Variants in KLHL3 observed in about 807,000 individuals in gnomAD.
KLHL3 encodes the protein kelch like family member 3.
A neutral mutation model predicts 70.5 loss-of-function variants in KLHL3; 19 were observed. That is an observed-to-expected ratio of 0.27 (90% CI 0.19 to 0.40). The LOEUF is 0.40. KLHL3 is among the 10% of genes least tolerant of loss of function. The pLI is 1.00. For missense variants in KLHL3, 512 were observed against 771.1 expected, an observed-to-expected ratio of 0.66 and a Z score of 3.98; for synonymous variants, 258 against 290.3, an observed-to-expected ratio of 0.89 and a Z score of 1.13.
At position 137,619,061 on chromosome 5, in the gene KLHL3, GA is replaced by G. The variant is rs997134771; in HGVS notation, c.*3036del. The G allele has an allele frequency of 6.6e-6, 1 of 152,430 alleles. No individual in the cohort carries two copies. Among genetic ancestry groups the G allele is most frequent in the African/African-American group, 2.4e-5 (1 of 41,382 alleles). The allele number at this position is 152,430 out of a possible 1,614,324, so 9.4% of individuals were successfully genotyped here. A position where few individuals can be genotyped will look rare whatever the true frequency, so the allele number is the denominator to read the frequency against. On this transcript the variant is annotated 3_prime_UTR_variant, in exon 15 of 15. Transcript: ENST00000309755. ...ACAATAAAAAGCGATTCAAACTCTT[GA>G]AAAAAATATCTTATAAAAATATCTA... is the stretch of plus-strand genomic sequence containing the variant.
chr5:137,698,436 C>T (rs182859337), intron 3 of KLHL3, 28 bp from the exon 4 acceptor site: 44 of 1,613,374 alleles, frequency 2.7e-5, no homozygotes, highest in East Asian at 1.6e-4. Flanking sequence ...AACAAAATGA[C>T]ATAAATGTGG....
chr5:137,706,051 A>G (rs1182323580), intron 3 of KLHL3: 2 of 985,312 alleles, frequency 2.0e-6, no homozygotes, highest in Non-Finnish European at 1.2e-6. Context: ...CTCAGACTTC[A>G]GTTTCACATT....
intron 4 of KLHL3, among the ~76,000 whole-genome samples, chr5:137,697,280 C>T (rs1005534978): frequency 6.6e-6 from 1 of 152,030 alleles, no homozygotes; most frequent in East Asian, 1.9e-4. Context: ...TCTCCTGCCT[C>T]GGCCTCCCAA....
chr5:137,729,150 C>G (rs974208184), intron 1 of KLHL3, among the ~76,000 whole-genome samples: 6 of 152,016 alleles, frequency 3.9e-5, no homozygotes, highest in Non-Finnish European at 7.4e-5. Context: ...AAGTCATGAG[C>G]TGATACTGGC....
intron 8 of KLHL3, among the ~76,000 whole-genome samples, chr5:137,646,134 AG>A (rs1751039000): frequency 2.6e-5 from 4 of 152,230 alleles, no homozygotes; most frequent in Non-Finnish European, 4.4e-5. Context: ...AGATCTAAAC[AG>A]GTATTTCTCT....
rs558117429 is a variant in KLHL3, at chr5:137,638,712, G to A, written c.1219+241C>T. Among the ~76,000 whole-genome samples the A allele has an allele frequency of 5.4e-4, 82 of 152,296 alleles. 1 individual carries two copies. Among genetic ancestry groups the A allele is most frequent in the African/African-American group, 1.9e-3 (80 of 41,544 alleles). ...TGAGTAAATAGGTTCCCAGACACTG[G>A]AAAGTAGGAAAGGGACTCTTCTGAG... is the stretch of plus-strand genomic sequence containing the variant. On this transcript the variant is annotated intron_variant, in intron 10 of 14. Transcript: ENST00000309755.
intron 6 of KLHL3, among the ~76,000 whole-genome samples, chr5:137,676,607 C>G (rs1458891298): frequency 6.6e-6 from 1 of 152,150 alleles, no homozygotes; most frequent in Non-Finnish European, 1.5e-5. Context: ...GATTGAACAC[C>G]TACTAGGTAC....
intron 6 of KLHL3, among the ~76,000 whole-genome samples, chr5:137,669,555 G>C (rs1307330822): frequency 6.6e-6 from 1 of 152,182 alleles, no homozygotes; most frequent in African/African-American, 2.4e-5. Context: ...CCTACAGCCA[G>C]TAAAAAAGAC....
intron 1 of KLHL3, among the ~76,000 whole-genome samples, chr5:137,721,730 C>T (rs1753000791): frequency 6.6e-6 from 1 of 152,162 alleles, no homozygotes; most frequent in South Asian, 2.1e-4. Flanking sequence ...TGCTTGTGCC[C>T]AGGGGTTTCA....
chr5:137,730,764 A>C (rs575692236), intron 1 of KLHL3, among the ~76,000 whole-genome samples: 18 of 152,332 alleles, frequency 1.2e-4, no homozygotes, highest in Admixed American at 2.6e-4. Context: ...GTTTGGTTTG[A>C]ATAGGAGAGC....
At chr5:137,641,056 T>C (rs1423877313) in intron 8 of KLHL3, among the ~76,000 whole-genome samples, 1 of 152,236 alleles carries the variant, frequency 6.6e-6, no homozygotes, top group African/African-American at 2.4e-5. Flanking sequence ...ATGGTATCAC[T>C]GCTGTGTCTT....
At chr5:137,697,489 TCCAACATCAC>T (rs978185150) in intron 4 of KLHL3, among the ~76,000 whole-genome samples, 10 of 152,270 alleles carry the variant, frequency 6.6e-5, no homozygotes, top group African/African-American at 2.4e-4. Context: ...TTGTTTTTTC[TCCAACATCAC>T]CCTTGACCTA....
At chr5:137,700,936 A>G (rs1174914072) in intron 3 of KLHL3, among the ~76,000 whole-genome samples, 1 of 152,196 alleles carries the variant, frequency 6.6e-6, no homozygotes, top group Non-Finnish European at 1.5e-5. Context: ...GCTAAGGTAC[A>G]CTAATGTGTA....
At chr5:137,735,611 G>A (rs1367037379) in intron 1 of KLHL3, 22 bp downstream of exon 1, 6 of 1,575,844 alleles carry the variant, frequency 3.8e-6, no homozygotes, top group Non-Finnish European at 5.2e-6. Flanking sequence ...ACACAACACA[G>A]CACACACTTA....
intron 6 of KLHL3, chr5:137,672,532 TAATA>T (rs1751786407): frequency 6.6e-6 from 1 of 152,218 alleles, no homozygotes; most frequent in Admixed American, 6.5e-5. Flanking sequence ...TAAAAAGACT[TAATA>T]AATTTCTTCC....
rs769336055 is a variant in KLHL3 at position 137,692,323 on chromosome 5, G to C, written c.488C>G (p.Thr163Ser). The change falls in exon 5 of 15, where the codon ACC (threonine) becomes AGC (serine). Residue 163 changes from threonine to serine, a missense_variant. Transcript: ENST00000309755. ...LGIRAFADVH[T>S]CTDLLQQANA... Reference sequence around the variant, plus strand: ...GGCCTGCTGCAGAAGGTCAGTGCAGGTGTGTACATCTGCAAATGCACGGAT... The same window carrying C: ...GGCCTGCTGCAGAAGGTCAGTGCAGCTGTGTACATCTGCAAATGCACGGAT... 1 of 1,613,322 alleles carries C rather than the reference G, an allele frequency of 6.2e-7. No individual in the cohort carries two copies. The highest frequency in any genetic ancestry group is 8.5e-7 in the Non-Finnish European group (1 of 1,179,894).
intron 1 of KLHL3, among the ~76,000 whole-genome samples, chr5:137,729,586 G>C (rs1399801009): frequency 1.3e-5 from 2 of 152,126 alleles, no homozygotes; most frequent in Non-Finnish European, 2.9e-5. Flanking sequence ...TATCTTGCCA[G>C]TAATATTTTA....
At chr5:137,627,987 G>C (rs1329476146) in intron 13 of KLHL3, 1 of 316,714 alleles carries the variant, frequency 3.2e-6, no homozygotes, top group Non-Finnish European at 5.9e-6. Flanking sequence ...AAGCTGTTGG[G>C]CAGCGGGCAC....
intron 6 of KLHL3, chr5:137,677,320 T>C (rs550701449): frequency 2.5e-4 from 90 of 359,554 alleles, no homozygotes; most frequent in African/African-American, 1.7e-3. Context: ...TGGTGGCGGG[T>C]GCCTATAATC....
Sources: gnomAD v4.1 joint callset for allele counts (sites outside exome capture counted in the v4.1 genomes callset) on GRCh38, gnomAD v4.1.1 for gene constraint, MANE v1.5 for transcripts, NCBI Gene and HGNC (gene_info 2026-07-23, HGNC 2026-07-21) for gene names.